The following PCDHGB6 variants were observed in gnomAD, a reference collection of about 807,000 sequenced individuals.
PCDHGB6 encodes the protein protocadherin gamma subfamily B, 6.
Under a neutral mutation model 59.1 loss-of-function variants are expected in PCDHGB6, and 51 were observed. The ratio of observed to expected loss-of-function variants is 0.86; its 90% CI spans 0.69 to 1.09. PCDHGB6 has a LOEUF of 1.09. Ranked by LOEUF, PCDHGB6 falls within the 50% of genes least tolerant of loss-of-function variation. The pLI is 0.00. For missense variants in PCDHGB6, 1,148 were observed against 1,205.1 expected, an observed-to-expected ratio of 0.95 and a Z score of 0.70; for synonymous variants, 466 against 495.1, an observed-to-expected ratio of 0.94 and a Z score of 0.78.
intron 1 of PCDHGB6, chr5:141,423,081 C>A: frequency 6.2e-7 from 1 of 1,614,084 alleles, no homozygotes; most frequent in South Asian, 1.1e-5. Context: ...CGGGACTCTT[C>A]GCGGTGGGGG....
intron 1 of PCDHGB6, chr5:141,430,922 G>A: frequency 1.2e-6 from 2 of 1,607,168 alleles, no homozygotes; most frequent in South Asian, 2.2e-5. Context: ...CCTGGGGCTG[G>A]AGCCCCGGGA....
At position 141,409,159 on chromosome 5, in the gene PCDHGB6, GGAAGC is replaced by G. The variant is rs1361879939; in HGVS notation, c.962_966del (p.Ala321GlyfsTer10). On this transcript the variant is annotated frameshift_variant, in exon 1 of 4. Transcript: ENST00000520790. LOFTEE classifies it high-confidence loss of function. ...ATGTAGAAAGGTACACCATGGAAGTGGAAGCGAAGGACGGAGGTGGTCTCTCTACC... is the reference window on the plus strand; with the variant it reads ...ATGTAGAAAGGTACACCATGGAAGTGGAAGGACGGAGGTGGTCTCTCTACC... The G allele has an allele frequency of 3.1e-6, 5 of 1,614,014 alleles. 1 individual carries two copies. In the South Asian group the frequency reaches 5.5e-5, roughly 18 times the overall value.
chr5:141,422,587 CCTCA>C, intron 1 of PCDHGB6: 1 of 1,614,032 alleles, frequency 6.2e-7, no homozygotes, highest in Non-Finnish European at 8.5e-7. Context: ...TCCCGTTTTT[CCTCA>C]CTCCTCTTAC....
Position 141,511,345 on chromosome 5 carries a change from TC to T in PCDHGB6, c.*179del, listed in dbSNP as rs535135679. On this transcript the variant is annotated 3_prime_UTR_variant, in exon 4 of 4. Coordinates refer to ENST00000520790, the MANE Select transcript of PCDHGB6 (RefSeq NM_018926.3). ...AAGTGCCCAGTCAGCACCTACCCCTTCCCCCCCAGGGGGTTGAATATGCAAA... is the reference window on the plus strand; with the variant it reads ...AAGTGCCCAGTCAGCACCTACCCCTTCCCCCCAGGGGGTTGAATATGCAAA... The T allele has an allele frequency of 2.2e-5, 31 of 1,410,342 alleles. No individual in the cohort carries two copies. Among genetic ancestry groups the T allele is most frequent in the South Asian group, 2.9e-5 (2 of 68,200 alleles). 87.4% of individuals were successfully genotyped at this position (1,410,342 alleles called of 1,614,324 possible). A position where few individuals can be genotyped will look rare whatever the true frequency, so the allele number is the denominator to read the frequency against.
rs762574320 is a variant in PCDHGB6, at chr5:141,485,926, G to T, written c.2419-8881G>T. 2.5e-6 allele frequency: 4 copies of T among 1,614,090 alleles called. No individual in the cohort carries two copies. The highest frequency in any genetic ancestry group is 3.4e-6 in the Non-Finnish European group (4 of 1,180,052). On this transcript the variant is annotated intron_variant, in intron 1 of 3. Transcript: ENST00000520790. This position sits in a 1 kb window ranked among gnomAD's most constrained non-coding sequence, Gnocchi z 5.7. Reference sequence around the variant, plus strand: ...AGCAATCCAGCTACAGGATTAGTGTGTTGGAGAGCGCACCAGCGGGCATGG... The same window carrying T: ...AGCAATCCAGCTACAGGATTAGTGTTTTGGAGAGCGCACCAGCGGGCATGG...
At chr5:141,448,907 T>G (rs1253773780) in intron 1 of PCDHGB6, among the ~76,000 whole-genome samples, 1 of 152,178 alleles carries the variant, frequency 6.6e-6, no homozygotes, top group African/African-American at 2.4e-5. Flanking sequence ...ATCGTGCCAC[T>G]GCACTCCAGC....
At chr5:141,411,631 C>G (rs570915798) in intron 1 of PCDHGB6, 1 of 151,812 alleles carries the variant, frequency 6.6e-6, no homozygotes, top group South Asian at 2.1e-4. Context: ...TGCTGTAATC[C>G]CAGCACTTTG....
chr5:141,408,048 G>C lies in PCDHGB6; in HGVS notation c.-155G>C. On this transcript the variant is annotated 5_prime_UTR_variant, in exon 1 of 4. Transcript: ENST00000520790. ...AAAGAAGAAAACCAGCTCCCACACA[G>C]AGCCTCCCGGCTGCGCAGACCTTTC... is the stretch of plus-strand genomic sequence containing the variant. 1 of 1,245,698 alleles carries C rather than the reference G, an allele frequency of 8.0e-7. No homozygotes were observed. Among genetic ancestry groups the C allele is most frequent in the Non-Finnish European group, 1.1e-6 (1 of 928,110 alleles). The allele number at this position is 1,245,698 out of a possible 1,614,324, so 77.2% of individuals were successfully genotyped here. A position where few individuals can be genotyped will look rare whatever the true frequency, so the allele number is the denominator to read the frequency against.
intron 1 of PCDHGB6, chr5:141,418,454 ACTCTG>A (rs2096260396): frequency 3.1e-6 from 5 of 1,613,892 alleles, no homozygotes; most frequent in Non-Finnish European, 4.2e-6. Context: ...ATTGCAGAAG[ACTCTG>A]GACCGAGAAA....
At position 141,432,579 on chromosome 5, in the gene PCDHGB6, G is replaced by A. The variant is rs769224543; in HGVS notation, c.2418+21959G>A. 6.2e-7 allele frequency: 1 copy of A among 1,613,860 alleles called. No homozygotes were observed. Among genetic ancestry groups the A allele is most frequent in the Non-Finnish European group, 8.5e-7 (1 of 1,179,984 alleles). On this transcript the variant is annotated intron_variant, in intron 1 of 3. Transcript: ENST00000520790. The surrounding 1 kb of genome is among the most constrained non-coding windows in gnomAD (Gnocchi z 6.0). ...GGCCAGAACGCCTGGCTGTCCTACC[G>A]TCTGCTCAAGGCCAGCGAGCCGGGA...
intron 1 of PCDHGB6, among the ~76,000 whole-genome samples, chr5:141,452,988 T>C (rs2098753680): frequency 6.6e-6 from 1 of 152,228 alleles, no homozygotes; most frequent in Admixed American, 6.5e-5. Context: ...AGTACTGTGC[T>C]GAAAAGTTAC....
chr5:141,475,139 C>T (rs928313061), intron 1 of PCDHGB6, among the ~76,000 whole-genome samples: 2 of 151,928 alleles, frequency 1.3e-5, no homozygotes, highest in African/African-American at 4.8e-5. Flanking sequence ...TTTTTGAAAT[C>T]TTCTCCGTCT....
At chr5:141,418,744 T>C in intron 1 of PCDHGB6, 1 of 1,613,936 alleles carries the variant, frequency 6.2e-7, no homozygotes, top group Non-Finnish European at 8.5e-7. Context: ...TCTCTCTGGA[T>C]TACACTACAG....
intron 1 of PCDHGB6, chr5:141,411,396 C>G (rs985023346): frequency 2.1e-5 from 3 of 145,420 alleles, no homozygotes; most frequent in African/African-American, 5.1e-5. Context: ...ATAGGGAGAC[C>G]CCCCATCTCT....
intron 1 of PCDHGB6, among the ~76,000 whole-genome samples, chr5:141,429,880 G>A (rs1209368869): frequency 6.6e-6 from 1 of 152,104 alleles, no homozygotes; most frequent in Non-Finnish European, 1.5e-5. Context: ...CTTTTACTAA[G>A]TTTCCTGAAC....
At chr5:141,443,169 T>C (rs946262743) in intron 1 of PCDHGB6, among the ~76,000 whole-genome samples, 2 of 152,170 alleles carry the variant, frequency 1.3e-5, no homozygotes, top group Non-Finnish European at 2.9e-5. Flanking sequence ...TCCCTACCCA[T>C]GTCCACTGCA....
At chr5:141,433,060 C>T in intron 1 of PCDHGB6, 1 of 1,614,198 alleles carries the variant, frequency 6.2e-7, no homozygotes, top group Non-Finnish European at 8.5e-7. Flanking sequence ...GGAAGAGTCA[C>T]CTGATCTTCC....
intron 1 of PCDHGB6, among the ~76,000 whole-genome samples, chr5:141,439,398 T>C (rs2098110369): frequency 6.6e-6 from 1 of 152,212 alleles, no homozygotes; most frequent in Admixed American, 6.5e-5. Context: ...TTCGACTTCA[T>C]GTGCTAACAT....
intron 1 of PCDHGB6, among the ~76,000 whole-genome samples, chr5:141,450,397 C>T (rs529143168): frequency 6.6e-6 from 1 of 152,300 alleles, no homozygotes; most frequent in South Asian, 2.1e-4. Flanking sequence ...TTTGTAAAGA[C>T]TAGAAGCCAT....
Sources: allele counts gnomAD v4.1 joint callset (sites outside exome capture counted in the v4.1 genomes callset), GRCh38; gene constraint gnomAD v4.1.1; non-coding constraint Gnocchi (gnomAD v3.1); transcripts MANE v1.5; gene names NCBI Gene and HGNC (gene_info 2026-07-23, HGNC 2026-07-21).